The following BORA variants were observed in gnomAD, a reference collection of about 807,000 sequenced individuals.
The protein encoded by BORA is BORA aurora kinase A activator.
In BORA, 26 loss-of-function variants were observed where a neutral mutation model predicts 55.8. That is an observed-to-expected ratio of 0.47 (90% confidence interval 0.34 to 0.65). The LOEUF (loss-of-function observed/expected upper bound fraction) is 0.65, where lower values mean the gene tolerates loss of function less well. Among genes scored for constraint, BORA ranks in the 30% least tolerant of loss-of-function variants. The probability of loss-of-function intolerance (pLI) is 0.01; values close to 1 mark genes in which losing one functional copy is unlikely to be tolerated. For synonymous variants in BORA, 201 were observed against 216.9 expected (o/e 0.93, Z 0.64); for missense variants, 568 against 671.5 (o/e 0.85, Z 1.70).
At chr13:72,743,690 C>T in intron 6 of BORA, 88 bp downstream of exon 6, 1 of 912,516 alleles carries the variant, frequency 1.1e-6, no homozygotes, top group Non-Finnish European at 1.6e-6. Context: ...ACACTTTACT[C>T]TGGAATTGAA....
At chr13:72,750,372 G>GT (rs1427158728) in intron 10 of BORA, among the ~76,000 whole-genome samples, 1 of 152,218 alleles carries the variant, frequency 6.6e-6, no homozygotes, top group East Asian at 1.9e-4. Flanking sequence ...GAAATAACGT[G>GT]TGTAGATAAC....
chr13:72,753,641 T>G, intron 10 of BORA, 49 bp from the exon 11 acceptor site: 1 of 1,556,410 alleles, frequency 6.4e-7, no homozygotes, highest in Non-Finnish European at 8.8e-7. Context: ...TTTAAATATT[T>G]GACTTTTAAG....
intron 8 of BORA, 114 bp from the exon 9 acceptor site, chr13:72,745,830 C>A: frequency 1.2e-6 from 1 of 847,976 alleles, no homozygotes; most frequent in East Asian, 2.9e-5. Context: ...TGGTGGTTCT[C>A]GTGAACTATT....
intron 10 of BORA, among the ~76,000 whole-genome samples, chr13:72,748,279 G>C (rs1426815965): frequency 6.6e-6 from 1 of 152,200 alleles, no homozygotes; most frequent in African/African-American, 2.4e-5. Flanking sequence ...CAACTAGTAA[G>C]TGGAAGAGCT....
At chr13:72,743,128 A>T (rs7327845) in intron 5 of BORA, among the ~76,000 whole-genome samples, 17,175 of 152,134 alleles carry the variant, frequency 0.11, 2,788 homozygotes, top group African/African-American at 0.36. Context: ...ATGAGGTATC[A>T]TATAGTTCAA....
intron 10 of BORA, among the ~76,000 whole-genome samples, chr13:72,749,986 G>A (rs1282486652): frequency 2.0e-5 from 3 of 152,096 alleles, no homozygotes; most frequent in Non-Finnish European, 2.9e-5. Context: ...AAAAGAACCC[G>A]TCACGTAATA....
chr13:72,745,269 T>C, intron 8 of BORA, 62 bp downstream of exon 8: 1 of 1,406,778 alleles, frequency 7.1e-7, no homozygotes, highest in Admixed American at 1.8e-5. Flanking sequence ...CACATTTTGT[T>C]GTTGTTCTAT....
rs138218037 is a variant in BORA at position 72,728,249 on chromosome 13, C to T, written c.-16+242C>T. 5.2e-5 allele frequency: 37 copies of T among 706,052 alleles called. No homozygotes were observed. The African/African-American group carries it at 5.7e-4, about 11-fold the overall frequency. The allele number at this position is 706,052 out of a possible 1,614,324, so 43.7% of individuals were successfully genotyped here. A position where few individuals can be genotyped will look rare whatever the true frequency, so the allele number is the denominator to read the frequency against. ...TCCAGAAGTAGACTCTTTTCCACCCCACCCCGCCAAGGTGTAGCCTCTGTA... is the reference window on the plus strand; with the variant it reads ...TCCAGAAGTAGACTCTTTTCCACCCTACCCCGCCAAGGTGTAGCCTCTGTA... On this transcript the variant is annotated intron_variant, in intron 1 of 11. Transcript: ENST00000390667.
rs1218701223 is a variant in BORA at position 72,755,880 on chromosome 13, C to T, written c.*664C>T. 2.5e-6 allele frequency: 1 copy of T among 398,306 alleles called. No individual in the cohort carries two copies. The highest frequency in any genetic ancestry group is 3.6e-5 in the East Asian group (1 of 28,064). The allele number at this position is 398,306 out of a possible 1,614,324, so 24.7% of individuals were successfully genotyped here. ...TGTGTGGTGCCCAGAATAAAATATA[C>T]CTCATGCCTAGGGTAGGGACATCCT... On this transcript the variant is annotated 3_prime_UTR_variant, in exon 12 of 12. Coordinates refer to ENST00000390667, the MANE Select transcript of BORA (RefSeq NM_024808.5).
At chr13:72,739,966 T>C (rs983412318) in intron 5 of BORA, among the ~76,000 whole-genome samples, 1 of 151,918 alleles carries the variant, frequency 6.6e-6, no homozygotes, top group African/African-American at 2.4e-5. Context: ...ACACAGTGAC[T>C]GAGAGATAGT....
intron 10 of BORA, among the ~76,000 whole-genome samples, chr13:72,750,267 T>C (rs2033238869): frequency 6.6e-6 from 1 of 152,166 alleles, no homozygotes; most frequent in Admixed American, 6.5e-5. Context: ...GCAAGCAACA[T>C]TGGGCTTGAA....
intron 1 of BORA, 35 bp from the exon 2 acceptor site, chr13:72,728,891 T>C (rs555736351): frequency 6.6e-7 from 1 of 1,518,042 alleles, no homozygotes; most frequent in East Asian, 2.4e-5. Flanking sequence ...TGGGACTTTG[T>C]AATTTTAACA....
intron 10 of BORA, among the ~76,000 whole-genome samples, chr13:72,748,265 T>C (rs572123395): frequency 3.2e-4 from 49 of 152,336 alleles, no homozygotes; most frequent in African/African-American, 1.2e-3. Context: ...CTAAAGTTTC[T>C]ATACAACTAG....
intron 3 of BORA, among the ~76,000 whole-genome samples, chr13:72,733,450 G>A (rs1166683638): frequency 1.3e-5 from 2 of 152,158 alleles, no homozygotes; most frequent in African/African-American, 4.8e-5. Flanking sequence ...TCCCCTGTAT[G>A]ACTTCTTAGA....
chr13:72,754,085 T>G (rs1180691753), intron 11 of BORA: 2 of 293,188 alleles, frequency 6.8e-6, no homozygotes, highest in Non-Finnish European at 1.3e-5. Flanking sequence ...TATATATTCA[T>G]ACTTGAAGAA....
At chr13:72,733,113 A>C (rs1318032730) in intron 3 of BORA, among the ~76,000 whole-genome samples, 1 of 152,252 alleles carries the variant, frequency 6.6e-6, no homozygotes, top group Non-Finnish European at 1.5e-5. Context: ...ATATAATTCA[A>C]TGAATGGTTA....
rs2032917034 is a variant in BORA, at chr13:72,735,915, C to T, written c.306+910C>T. On this transcript the variant is annotated intron_variant, in intron 4 of 11. Coordinates refer to ENST00000390667, the MANE Select transcript of BORA (RefSeq NM_024808.5). ...TGAGCCACTGCGCCTGGCCCAGCAT[C>T]TAAGTAAGGGTTACTTACCTTGTTC... Among the ~76,000 whole-genome samples the T allele has an allele frequency of 2.0e-5, 3 of 152,148 alleles. No individual in the cohort carries two copies. In the South Asian group the frequency reaches 6.2e-4, roughly 32 times the overall value.
At chr13:72,744,912 T>G (rs1205352684) in intron 7 of BORA, 69 bp from the exon 8 acceptor site, 2 of 1,436,356 alleles carry the variant, frequency 1.4e-6, no homozygotes, top group Admixed American at 3.7e-5. Context: ...TTCTTAAAAG[T>G]TGAGTAACAG....
At chr13:72,731,505 C>CATCA in intron 3 of BORA, 118 bp downstream of exon 3, 1 of 717,016 alleles carries the variant, frequency 1.4e-6, no homozygotes, top group Non-Finnish European at 2.3e-6. Flanking sequence ...AATTTTGATG[C>CATCA]AGATTTTTTC....
Sources: allele counts gnomAD v4.1 joint callset (sites outside exome capture counted in the v4.1 genomes callset), GRCh38; gene constraint gnomAD v4.1.1; transcripts MANE v1.5; gene names NCBI Gene and HGNC (gene_info 2026-07-23, HGNC 2026-07-21).